ENTPD8: variants seen among roughly 807,000 people sequenced by gnomAD.
ENTPD8 encodes ectonucleoside triphosphate diphosphohydrolase 8.
ENTPD8 carries 35 observed loss-of-function variants against 47.0 expected under a neutral mutation model. That is an observed-to-expected ratio of 0.75 (90% CI 0.57 to 0.99). ENTPD8 has a LOEUF of 0.99. ENTPD8 is among the 50% of genes least tolerant of loss of function. The pLI, the probability that ENTPD8 is intolerant of heterozygous loss-of-function variation, is 0.00. For synonymous variants in ENTPD8, 308 were observed against 290.5 expected (o/e 1.06, Z -0.61); for missense variants, 668 against 649.9 (o/e 1.03, Z -0.30).
rs557245056 is a variant in ENTPD8, at chr9:137,434,414, C to T, written c.*500G>A. ...AAAACAACCCCCACTGCAGTCTCAC[C>T]CTCCAAGTGGGTGTGGGAGGCCGGG... On this transcript the variant is annotated 3_prime_UTR_variant, in exon 10 of 10. Transcript: ENST00000371506. 2.1e-5 allele frequency: 31 copies of T among 1,510,204 alleles called. No homozygotes were observed. In the South Asian group the frequency reaches 3.2e-4, roughly 15 times the overall value. 93.6% of individuals were successfully genotyped at this position (1,510,204 alleles called of 1,614,324 possible).
At chr9:137,436,404 ACGC>A in intron 6 of ENTPD8, 114 bp downstream of exon 6, 2 of 1,330,060 alleles carry the variant, frequency 1.5e-6, no homozygotes, top group Non-Finnish European at 2.0e-6. Context: ...CGGATGACCC[ACGC>A]CAGCCCCGCG....
intron 1 of ENTPD8, among the ~76,000 whole-genome samples, chr9:137,440,051 T>C (rs1281892550): frequency 1.4e-4 from 2 of 14,278 alleles, no homozygotes; most frequent in African/African-American, 3.6e-4. Context: ...GGACACCCCC[T>C]CAGACAGAAC....
Position 137,435,779 on chromosome 9 carries a change from C to T in ENTPD8, c.1101G>A (p.Arg367=), listed in dbSNP as rs1839329688. ...YTFHFLNLTS[R]QPLSTVNATI... is the part of the protein sequence containing the mutation. ...TGGCGTTGACCGTGCTCAGGGGCTG[C>T]CTGGAGGTGAGGTTCAGGAAGTGGA... Residue 367 remains arginine, a synonymous_variant, in exon 8 of 10, where the codon AGG becomes AGA. Coordinates refer to ENST00000371506, the MANE Select transcript of ENTPD8 (RefSeq NM_001033113.2). The T allele has an allele frequency of 3.1e-6, 5 of 1,613,592 alleles. No individual in the cohort carries two copies. The highest frequency in any genetic ancestry group is 4.2e-6 in the Non-Finnish European group (5 of 1,179,926).
rs370214919 is a variant in ENTPD8, at chr9:137,436,970, G to A, written c.454C>T (p.Arg152Trp). The change falls in exon 5 of 10, where the codon CGG becomes TGG. Residue 152 changes from arginine (R) to tryptophan (W), a missense_variant. Arg to Trp is a moderately radical substitution (Grantham distance 101). Transcript: ENST00000371506. ...GCACCCCAAAAGTCCACGGGAGACC[G>A]GCCCAGGACCTGGGTGACTGCTGCA... The part of the protein sequence containing the change: ...IFAAVTQVLG[R>W]SPVDFWGAEL... 29 of 1,612,870 alleles carry A rather than the reference G, an allele frequency of 1.8e-5. No individual in the cohort carries two copies. The highest frequency in any genetic ancestry group is 1.1e-4 in the East Asian group (5 of 44,902).
chr9:137,436,969 C>A lies in ENTPD8; in HGVS notation c.455G>T (p.Arg152Leu). 6.2e-7 allele frequency: 1 copy of A among 1,612,980 alleles called. No individual in the cohort carries two copies. Among genetic ancestry groups the A allele is most frequent in the South Asian group, 1.1e-5 (1 of 91,092 alleles). Residue 152 changes from arginine (R) to leucine (L), a missense_variant, in exon 5 of 10, where the codon CGG (arginine) becomes CTG (leucine). Arg to Leu is a moderately radical substitution (Grantham distance 102). Coordinates refer to ENST00000371506, the MANE Select transcript of ENTPD8 (RefSeq NM_001033113.2). ...IFAAVTQVLG[R>L]SPVDFWGAEL... ...GGCACCCCAAAAGTCCACGGGAGAC[C>A]GGCCCAGGACCTGGGTGACTGCTGC...
At chr9:137,439,153 A>G (rs1022912239) in intron 1 of ENTPD8, among the ~76,000 whole-genome samples, 1 of 152,160 alleles carries the variant, frequency 6.6e-6, no homozygotes, top group Non-Finnish European at 1.5e-5. Context: ...GGCTTCCCTA[A>G]TCTGACTCTG....
In ENTPD8 at chr9:137,435,467, C is replaced by T. The variant is rs1431283364; in HGVS notation, c.1162-129G>A. On this transcript the variant is annotated intron_variant, in intron 8 of 9. Transcript: ENST00000371506. Reference sequence around the variant, plus strand: ...GGGTGCCGGGCAGTGGTAGAGAGCCCCTCCCTGGCCCCACCGACCAGTTAC... The same window carrying T: ...GGGTGCCGGGCAGTGGTAGAGAGCCTCTCCCTGGCCCCACCGACCAGTTAC... 3.5e-6 allele frequency: 5 copies of T among 1,420,118 alleles called. No individual in the cohort carries two copies. In the East Asian group the frequency reaches 9.8e-5, roughly 28 times the overall value. The allele number at this position is 1,420,118 out of a possible 1,614,324, so 88.0% of individuals were successfully genotyped here. A position where few individuals can be genotyped will look rare whatever the true frequency, so the allele number is the denominator to read the frequency against.
In ENTPD8 at chr9:137,434,928, A is replaced by G; in HGVS notation, c.1474T>C (p.Trp492Arg). 1 of 1,610,682 alleles carries G rather than the reference A, an allele frequency of 6.2e-7. No individual in the cohort carries two copies. The highest frequency in any genetic ancestry group is 8.5e-7 in the Non-Finnish European group (1 of 1,178,730). Residue 492 changes from tryptophan to arginine, a missense_variant, in exon 10 of 10, where the codon TGG becomes CGG. Trp to Arg is a moderately radical substitution (Grantham distance 101). Coordinates refer to ENST00000371506, the MANE Select transcript of ENTPD8 (RefSeq NM_001033113.2). Reference sequence around the variant, plus strand: ...CCGCCTTCCCACTAGTCCTGCAACCAGAAGAGCTGGACCAAGGCAGCCCCC... The same window carrying G: ...CCGCCTTCCCACTAGTCCTGCAACCGGAAGAGCTGGACCAAGGCAGCCCCC... ...VVGAALVQLFWLQD is the reference protein window; with the variant it reads ...VVGAALVQLFRLQD
chr9:137,436,125 G>C lies in ENTPD8; in HGVS notation c.938C>G (p.Pro313Arg), dbSNP rs1158709491. ...CCGGATGGCTGAGACGCAGGCTCCA[G>C]GGTTGCCTGTCCCTTCAACTGTGAG... Reference protein sequence around the residue: ...QNLTVEGTGNPGACVSAIREL... With the variant: ...QNLTVEGTGNRGACVSAIREL... Residue 313 changes from proline (P) to arginine (R), a missense_variant, in exon 7 of 10, where the codon CCT becomes CGT. Transcript: ENST00000371506. 2.5e-6 allele frequency: 4 copies of C among 1,613,026 alleles called. No individual in the cohort carries two copies. In the South Asian group the frequency reaches 4.4e-5, roughly 18 times the overall value.
At position 137,434,983 on chromosome 9, in the gene ENTPD8, C is replaced by T. The variant is rs778619272; in HGVS notation, c.1419G>A (p.Val473=). Residue 473 remains valine (V), a synonymous_variant, in exon 10 of 10, where the codon GTG becomes GTA. Coordinates refer to ENST00000371506, the MANE Select transcript of ENTPD8 (RefSeq NM_001033113.2). ...CCGCCACCAGGGCCAGCACCATGAA[C>T]ACCACTTTGGCCACCCAGACGCCGT... ...ESYGVWVAKV[V]FMVLALVAVV... is the part of the protein sequence containing the mutation. 6.2e-7 allele frequency: 1 copy of T among 1,612,970 alleles called. No homozygotes were observed. Among genetic ancestry groups the T allele is most frequent in the East Asian group, 2.2e-5 (1 of 44,878 alleles).
chr9:137,434,766 C>A lies in ENTPD8; in HGVS notation c.*148G>T. The A allele has an allele frequency of 3.8e-6, 4 of 1,047,016 alleles. No homozygotes were observed. Among genetic ancestry groups the A allele is most frequent in the Non-Finnish European group, 5.4e-6 (4 of 747,034 alleles). The allele number at this position is 1,047,016 out of a possible 1,614,324, so 64.9% of individuals were successfully genotyped here. ...GTCATGCAGCCTCTGTGGCCAGCACCACCCTGACGGTGCCCTGGAGGTGGC... is the reference window on the plus strand; with the variant it reads ...GTCATGCAGCCTCTGTGGCCAGCACAACCCTGACGGTGCCCTGGAGGTGGC... On this transcript the variant is annotated 3_prime_UTR_variant, in exon 10 of 10. Transcript: ENST00000371506.
chr9:137,437,121 GC>G, intron 4 of ENTPD8, 37 bp downstream of exon 4: 1 of 1,604,946 alleles, frequency 6.2e-7, no homozygotes, highest in African/African-American at 1.3e-5. Context: ...GGCTTCTGCA[GC>G]CACTCCCCGT....
chr9:137,435,638 T>G, intron 8 of ENTPD8, 81 bp downstream of exon 8: 1 of 1,383,582 alleles, frequency 7.2e-7, no homozygotes, highest in East Asian at 2.3e-5. Flanking sequence ...CTGCCCAGAA[T>G]GAGGCTCCAG....
chr9:137,437,559 A>T (rs540614292), intron 3 of ENTPD8, among the ~76,000 whole-genome samples: 18 of 152,110 alleles, frequency 1.2e-4, no homozygotes, highest in African/African-American at 2.7e-4. Flanking sequence ...TAAGCCCCCA[A>T]TTTGTGGTAA....
In ENTPD8 at chr9:137,438,856, C is replaced by T. The variant is rs1839441308; in HGVS notation, c.-20-551G>A. Among the ~76,000 whole-genome samples, 1 of 152,040 alleles carries T rather than the reference C, an allele frequency of 6.6e-6. No homozygotes were observed. The highest frequency in any genetic ancestry group is 2.4e-5 in the African/African-American group (1 of 41,392). On this transcript the variant is annotated intron_variant, in intron 1 of 9. Coordinates refer to ENST00000371506, the MANE Select transcript of ENTPD8 (RefSeq NM_001033113.2). The surrounding 1 kb of genome is among the most constrained non-coding windows in gnomAD (Gnocchi z 5.7). ...CCTCGGATGGGACTCGCGGAGCTGC[C>T]CCCACCATGTGATGGGGCCACCCTG...
At position 137,438,399 on chromosome 9, in the gene ENTPD8, C is replaced by T. The variant is rs1010286260; in HGVS notation, c.-20-94G>A. On this transcript the variant is annotated intron_variant, in intron 1 of 9. Coordinates refer to ENST00000371506, the MANE Select transcript of ENTPD8 (RefSeq NM_001033113.2). This position sits in a 1 kb window ranked among gnomAD's most constrained non-coding sequence, Gnocchi z 5.7. Reference sequence around the variant, plus strand: ...GCTTCGCTCCCCGTCTCCCTGGAGACGCACCCCTGGACAGCCACTTGCCTT... The same window carrying T: ...GCTTCGCTCCCCGTCTCCCTGGAGATGCACCCCTGGACAGCCACTTGCCTT... 9.7e-5 allele frequency: 131 copies of T among 1,353,000 alleles called. No homozygotes were observed. In the African/African-American group the frequency reaches 1.4e-3, roughly 15 times the overall value. 83.8% of individuals were successfully genotyped at this position (1,353,000 alleles called of 1,614,324 possible).
rs1010210562 is a variant in ENTPD8, at chr9:137,441,307, C to G, written c.-42G>C. 9 of 276,046 alleles carry G rather than the reference C, an allele frequency of 3.3e-5. No homozygotes were observed. Among genetic ancestry groups the G allele is most frequent in the African/African-American group, 1.8e-4 (8 of 44,164 alleles). 17.1% of individuals were successfully genotyped at this position (276,046 alleles called of 1,614,324 possible). A position where few individuals can be genotyped will look rare whatever the true frequency, so the allele number is the denominator to read the frequency against. Reference sequence around the variant, plus strand: ...TCACCTGGGCTGGCTGCCCACTTCCCGGAGCGGCAAGGAGGAAGCTGTGCT... The same window carrying G: ...TCACCTGGGCTGGCTGCCCACTTCCGGGAGCGGCAAGGAGGAAGCTGTGCT... On this transcript the variant is annotated 5_prime_UTR_variant, in exon 1 of 10. Transcript: ENST00000371506.
chr9:137,438,604 G>A lies in ENTPD8; in HGVS notation c.-20-299C>T, dbSNP rs1839435600. On this transcript the variant is annotated intron_variant, in intron 1 of 9. Transcript: ENST00000371506. This position sits in a 1 kb window ranked among gnomAD's most constrained non-coding sequence, Gnocchi z 5.7. ...TAGAGGCATCCCCGGGGCTCAGACGGCCTCCCGTGGCCATAGAGGCATCCC... is the reference window on the plus strand; with the variant it reads ...TAGAGGCATCCCCGGGGCTCAGACGACCTCCCGTGGCCATAGAGGCATCCC... 6.7e-6 allele frequency among the ~76,000 whole-genome samples: 1 copy of A among 150,236 alleles called. No homozygotes were observed. The highest frequency in any genetic ancestry group is 1.5e-5 in the Non-Finnish European group (1 of 67,298).
rs202087483 is a variant in ENTPD8 at position 137,438,158 on chromosome 9, A to G, written c.126+2T>C. On this transcript the variant is annotated splice_donor_variant, in intron 2 of 9. Coordinates refer to ENST00000371506, the MANE Select transcript of ENTPD8 (RefSeq NM_001033113.2). LOFTEE classifies it high-confidence loss of function. The surrounding 1 kb of genome is among the most constrained non-coding windows in gnomAD (Gnocchi z 5.7). ...CGGCCTCCCCTGCCGGCGGGGACGCACCTTGATGTCTGTGGGCAGGAGCAC... is the reference window on the plus strand; with the variant it reads ...CGGCCTCCCCTGCCGGCGGGGACGCGCCTTGATGTCTGTGGGCAGGAGCAC... 6.2e-7 allele frequency: 1 copy of G among 1,609,594 alleles called. No homozygotes were observed. Among genetic ancestry groups the G allele is most frequent in the East Asian group, 2.2e-5 (1 of 44,760 alleles).
Sources: allele counts gnomAD v4.1 joint callset (sites outside exome capture counted in the v4.1 genomes callset), GRCh38; gene constraint gnomAD v4.1.1; non-coding constraint Gnocchi (gnomAD v3.1); transcripts MANE v1.5; gene names NCBI Gene and HGNC (gene_info 2026-07-23, HGNC 2026-07-21).